SLC39A12: variants seen among roughly 807,000 people sequenced by gnomAD.
SLC39A12 encodes solute carrier family 39 member 12.
SLC39A12 carries 63 observed loss-of-function variants against 71.1 expected under a neutral mutation model. The observed-to-expected ratio is 0.89, with a 90% CI of 0.72 to 1.09. The LOEUF is 1.09. Ranked by LOEUF, SLC39A12 falls within the 50% of genes least tolerant of loss-of-function variation. The pLI is 0.00. For missense variants in SLC39A12, 892 were observed against 812.6 expected (o/e 1.10, Z -1.19); for synonymous variants, 351 against 301.3 (o/e 1.16, Z -1.71).
At chr10:18,028,319 T>C (rs1836736101) in intron 12 of SLC39A12, among the ~76,000 whole-genome samples, 1 of 152,242 alleles carries the variant, frequency 6.6e-6, no homozygotes, top group Non-Finnish European at 1.5e-5. Context: ...CTTGGAAGCA[T>C]TGGAGGCTGA....
chr10:17,952,484 CTTTTTTCT>C (rs1372058462), intron 1 of SLC39A12, among the ~76,000 whole-genome samples: 219 of 136,720 alleles, frequency 1.6e-3, no homozygotes, highest in Middle Eastern at 0.012. Flanking sequence ...TTTCTTTTTT[CTTTTTTCT>C]TTTTTTTTTT....
chr10:18,017,198 G>T (rs538991316), intron 12 of SLC39A12, among the ~76,000 whole-genome samples: 128 of 152,196 alleles, frequency 8.4e-4, no homozygotes, highest in Non-Finnish European at 1.6e-3. Flanking sequence ...TTAGCATCTT[G>T]CCTGAAAAGT....
At chr10:18,026,471 A>C (rs989468356) in intron 12 of SLC39A12, among the ~76,000 whole-genome samples, 1 of 151,694 alleles carries the variant, frequency 6.6e-6, no homozygotes, top group African/African-American at 2.4e-5. Context: ...GGTTTCTTTC[A>C]TTTTCTGAAG....
chr10:17,979,036 T>C (rs1291724990), intron 5 of SLC39A12, among the ~76,000 whole-genome samples: 1 of 152,132 alleles, frequency 6.6e-6, no homozygotes, highest in Non-Finnish European at 1.5e-5. Context: ...AAACTAAAGA[T>C]TAGAAACCAC....
At chr10:17,980,697 G>T (rs141733892) in intron 5 of SLC39A12, among the ~76,000 whole-genome samples, 26 of 152,230 alleles carry the variant, frequency 1.7e-4, no homozygotes, top group African/African-American at 6.3e-4. Context: ...AGTAAAGTCA[G>T]TAAGAAATAA....
chr10:17,962,966 G>A (rs181843855), intron 3 of SLC39A12, among the ~76,000 whole-genome samples: 186 of 152,208 alleles, frequency 1.2e-3, no homozygotes, highest in Non-Finnish European at 2.2e-3. Flanking sequence ...GATCAGCCTA[G>A]GCAACATAGC....
intron 12 of SLC39A12, among the ~76,000 whole-genome samples, chr10:18,023,033 G>A (rs972034466): frequency 6.6e-6 from 1 of 152,122 alleles, no homozygotes; most frequent in African/African-American, 2.4e-5. Context: ...CCCCTTCTCA[G>A]TGCTAAGAGT....
At chr10:18,029,445 T>G (rs1745941376) in intron 12 of SLC39A12, among the ~76,000 whole-genome samples, 2 of 152,150 alleles carry the variant, frequency 1.3e-5, no homozygotes, top group African/African-American at 4.8e-5. Flanking sequence ...CTAACAACTC[T>G]TTGCACCTAC....
chr10:17,953,771 A>G (rs1834467876), intron 2 of SLC39A12, among the ~76,000 whole-genome samples: 1 of 152,244 alleles, frequency 6.6e-6, no homozygotes, highest in South Asian at 2.1e-4. Context: ...AAGGCTTTCT[A>G]GAACCCTTCT....
chr10:17,975,493 T>G (rs560743631), intron 4 of SLC39A12, among the ~76,000 whole-genome samples: 1 of 152,294 alleles, frequency 6.6e-6, no homozygotes, highest in Non-Finnish European at 1.5e-5. Context: ...AACAGGACCT[T>G]GCAACTCTAA....
chr10:17,956,077 A>G (rs1450794675), intron 2 of SLC39A12, among the ~76,000 whole-genome samples: 7 of 152,148 alleles, frequency 4.6e-5, no homozygotes, highest in African/African-American at 1.7e-4. Flanking sequence ...GGACAAACAC[A>G]TGTTCCTCAG....
intron 12 of SLC39A12, among the ~76,000 whole-genome samples, chr10:18,014,657 A>T (rs1193927685): frequency 6.6e-6 from 1 of 152,194 alleles, no homozygotes; most frequent in African/African-American, 2.4e-5. Context: ...GGAAATCTCT[A>T]TTGTCTTTCA....
chr10:18,013,602 C>G (rs548790019), intron 12 of SLC39A12, among the ~76,000 whole-genome samples: 34 of 152,058 alleles, frequency 2.2e-4, no homozygotes, highest in Non-Finnish European at 4.7e-4. Flanking sequence ...GAACTCTTGG[C>G]TTCAAGTGAT....
intron 12 of SLC39A12, among the ~76,000 whole-genome samples, chr10:18,041,521 TATATGTATATATATAC>T (rs1356959733): frequency 1.3e-5 from 1 of 79,268 alleles, no homozygotes; most frequent in Non-Finnish European, 2.4e-5. Context: ...TATATATATA[TATATGTATATATATAC>T]ACACACACAC....
chr10:17,987,645 C>T lies in SLC39A12; in HGVS notation c.1263C>T (p.Ile421=). 6.2e-7 allele frequency: 1 copy of T among 1,614,076 alleles called. No individual in the cohort carries two copies. The highest frequency in any genetic ancestry group is 8.5e-7 in the Non-Finnish European group (1 of 1,179,992). ...TLSGDALLHL[I]PQVLGLHKQE... is the part of the protein sequence containing the mutation. ...CTGGGGACGCTCTGCTCCACCTTAT[C>T]CCTCAGGTAATCTGGTCTTTTCCAT... Residue 421 remains isoleucine, a synonymous_variant, in exon 7 of 13, where the codon ATC becomes ATT. Coordinates refer to ENST00000377369, the MANE Select transcript of SLC39A12 (RefSeq NM_001145195.2).
chr10:17,967,200 C>T (rs1026524203), intron 4 of SLC39A12, among the ~76,000 whole-genome samples: 2 of 152,072 alleles, frequency 1.3e-5, no homozygotes, highest in African/African-American at 4.8e-5. Context: ...CAGTCCTAGT[C>T]ATCTATCACG....
chr10:17,989,496 G>T (rs1212264562), intron 7 of SLC39A12, among the ~76,000 whole-genome samples: 1 of 152,212 alleles, frequency 6.6e-6, no homozygotes, highest in African/African-American at 2.4e-5. Flanking sequence ...AGGTCAGCCT[G>T]AGTCTCCCCC....
chr10:17,998,117 A>T (rs951871361), intron 10 of SLC39A12, among the ~76,000 whole-genome samples: 2 of 151,984 alleles, frequency 1.3e-5, no homozygotes, highest in African/African-American at 2.4e-5. Context: ...TCCTGCCTCA[A>T]CCTCCCGCTA....
intron 2 of SLC39A12, among the ~76,000 whole-genome samples, chr10:17,958,458 C>G (rs1834605082): frequency 6.6e-6 from 1 of 152,136 alleles, no homozygotes; most frequent in Admixed American, 6.5e-5. Flanking sequence ...TCTTAGCCAC[C>G]TAACTGACCT....
Sources: gnomAD v4.1 joint callset for allele counts (sites outside exome capture counted in the v4.1 genomes callset) on GRCh38, gnomAD v4.1.1 for gene constraint, MANE v1.5 for transcripts, NCBI Gene and HGNC (gene_info 2026-07-23, HGNC 2026-07-21) for gene names.